The following BRWD3 variants were observed in gnomAD, a reference collection of about 807,000 sequenced individuals.
BRWD3 encodes the protein bromodomain and WD repeat-containing protein 3.
In BRWD3, 10 loss-of-function variants were observed where a neutral mutation model predicts 149.7. That is an observed-to-expected ratio of 0.07 (90% CI 0.04 to 0.11). The LOEUF is 0.11. BRWD3 is among the 10% of genes least tolerant of loss of function. The pLI is 1.00. For synonymous variants in BRWD3, 504 were observed against 456.7 expected (o/e 1.10, Z -1.32); for missense variants, 940 against 1,373.2 (o/e 0.68, Z 4.99).
chrX:80,724,818 A>T, intron 15 of BRWD3, 115 bp downstream of exon 15: 3 of 863,384 alleles, frequency 3.5e-6, no homozygotes, highest in Non-Finnish European at 5.0e-6. Context: ...TATTTAACCA[A>T]TTTAAACACA....
chrX:80,793,591 A>G (rs770466015), intron 5 of BRWD3, 31 bp downstream of exon 5: 2 of 1,196,480 alleles, frequency 1.7e-6, no homozygotes. Context: ...CCTTCCTCTG[A>G]TATCACAGTC....
In BRWD3 at chrX:80,777,152, C is replaced by A. The variant is rs768749515; in HGVS notation, c.430+14702G>T. Reference sequence around the variant, plus strand: ...GAAAAGCACTCTTAAGACCCCCCCCCACGAAAAACCTCCTGAGCCTAAACC... The same window carrying A: ...GAAAAGCACTCTTAAGACCCCCCCCAACGAAAAACCTCCTGAGCCTAAACC... On this transcript the variant is annotated intron_variant, in intron 6 of 40. Coordinates refer to ENST00000373275, the MANE Select transcript of BRWD3 (RefSeq NM_153252.5). Among the ~76,000 whole-genome samples the A allele has an allele frequency of 2.8e-4, 31 of 109,448 alleles. 1 individual carries two copies. Among genetic ancestry groups the A allele is most frequent in the Middle Eastern group, 4.8e-3 (1 of 210 alleles).
intron 17 of BRWD3, among the ~76,000 whole-genome samples, chrX:80,720,458 C>T (rs367544498): frequency 1.3e-4 from 15 of 111,163 alleles, no homozygotes; most frequent in African/African-American, 4.9e-4. Flanking sequence ...AATAGAAAAA[C>T]CTTATAGCAT....
At chrX:80,757,786 A>C in intron 6 of BRWD3, among the ~76,000 whole-genome samples, 3 of 112,669 alleles carry the variant, frequency 2.7e-5, no homozygotes, top group South Asian at 3.6e-4. Flanking sequence ...CAAATTTATA[A>C]AGTCATAAGA....
intron 6 of BRWD3, among the ~76,000 whole-genome samples, chrX:80,783,966 T>TA (rs2074083385): frequency 9.0e-6 from 1 of 111,074 alleles, no homozygotes; most frequent in Non-Finnish European, 1.9e-5. Context: ...GGTTAATGCG[T>TA]AAAAAAATAT....
Position 80,707,437 on chromosome X carries a change from T to C in BRWD3, c.2542A>G (p.Ser848Gly), listed in dbSNP as rs149688283. The stretch of plus-strand genomic sequence containing the variant: ...AACCATTAAAACTACCTGGAAGAAC[T>C]TTCACTTTGCCATTCAACAACAGGA... The part of the protein sequence containing the change: ...EDPVVEWQSE[S>G]SSSDSSSEYS... Residue 848 changes from serine to glycine, a missense_variant, in exon 22 of 41, where the codon AGT becomes GGT. Around this residue, in one of 6 missense-constraint regions of BRWD3, gnomAD observed 158 missense variants for 284.0 expected, o/e 0.56. Coordinates refer to ENST00000373275, the MANE Select transcript of BRWD3 (RefSeq NM_153252.5). The C allele has an allele frequency of 2.2e-4, 265 of 1,208,906 alleles. No homozygotes were observed. Among genetic ancestry groups the C allele is most frequent in the Non-Finnish European group, 2.9e-4 (256 of 893,703 alleles).
intron 20 of BRWD3, among the ~76,000 whole-genome samples, chrX:80,714,389 A>G (rs1488318314): frequency 9.2e-6 from 1 of 108,303 alleles, no homozygotes; most frequent in Non-Finnish European, 1.9e-5. Flanking sequence ...GCACCACCAC[A>G]CCTGGCTACC....
chrX:80,692,178 A>G (rs369807002), intron 28 of BRWD3, 28 bp from the exon 29 acceptor site: 3 of 1,151,395 alleles, frequency 2.6e-6, no homozygotes, highest in Non-Finnish European at 3.6e-6. Flanking sequence ...GATGCAAATC[A>G]AATTAATCAT....
At chrX:80,761,300 T>A (rs1198165484) in intron 6 of BRWD3, among the ~76,000 whole-genome samples, 2 of 111,924 alleles carry the variant, frequency 1.8e-5, no homozygotes, top group Non-Finnish European at 3.8e-5. Context: ...AATAAAAGGA[T>A]CACTGCAAAT....
intron 11 of BRWD3, 149 bp downstream of exon 11, chrX:80,733,969 T>C: frequency 2.2e-6 from 1 of 456,661 alleles, no homozygotes; most frequent in Non-Finnish European, 3.9e-6. Flanking sequence ...CTTTTACAAG[T>C]ATAGTATGTA....
chrX:80,729,468 G>A (rs1164342505), intron 13 of BRWD3, among the ~76,000 whole-genome samples: 2 of 111,514 alleles, frequency 1.8e-5, no homozygotes, highest in African/African-American at 6.5e-5. Context: ...AATCAACAGT[G>A]AAGATGACAA....
intron 4 of BRWD3, among the ~76,000 whole-genome samples, chrX:80,795,380 C>T (rs1331372452): frequency 9.2e-6 from 1 of 108,972 alleles, no homozygotes; most frequent in African/African-American, 3.4e-5. Flanking sequence ...TGTATATATA[C>T]ACACATATAT....
At chrX:80,772,730 C>T (rs759733268) in intron 6 of BRWD3, among the ~76,000 whole-genome samples, 1 of 111,672 alleles carries the variant, frequency 9.0e-6, no homozygotes, top group Non-Finnish European at 1.9e-5. Context: ...TCCCCAATTA[C>T]AAACTTGGGC....
At chrX:80,734,270 C>T (rs1211389476) in intron 10 of BRWD3, 52 bp from the exon 11 acceptor site, 33 of 798,094 alleles carry the variant, frequency 4.1e-5, no homozygotes, top group Non-Finnish European at 6.3e-5. Context: ...CCTTAAAAAC[C>T]CTCTCATTAC....
At chrX:80,791,261 G>A (rs762653125) in intron 6 of BRWD3, among the ~76,000 whole-genome samples, 4 of 111,543 alleles carry the variant, frequency 3.6e-5, no homozygotes, top group Non-Finnish European at 7.5e-5. Flanking sequence ...TGGAGCAGAG[G>A]AGCAATTACT....
chrX:80,801,893 A>G (rs2074301610), intron 4 of BRWD3, among the ~76,000 whole-genome samples: 1 of 110,943 alleles, frequency 9.0e-6, no homozygotes, highest in Non-Finnish European at 1.9e-5. Flanking sequence ...TACAATCAGA[A>G]GGGTTGAGAA....
chrX:80,758,569 G>A (rs541060809), intron 6 of BRWD3, among the ~76,000 whole-genome samples: 6 of 111,131 alleles, frequency 5.4e-5, no homozygotes, highest in African/African-American at 2.0e-4. Context: ...GCTCTAATTA[G>A]GGGAGACTCT....
At chrX:80,772,336 G>C (rs2073953517) in intron 6 of BRWD3, among the ~76,000 whole-genome samples, 1 of 111,294 alleles carries the variant, frequency 9.0e-6, no homozygotes, top group African/African-American at 3.3e-5. Flanking sequence ...GATACAGTTG[G>C]AAACCATCAT....
chrX:80,709,711 C>A, intron 20 of BRWD3, 134 bp from the exon 21 acceptor site: 1 of 530,548 alleles, frequency 1.9e-6, no homozygotes, highest in Non-Finnish European at 3.0e-6. Flanking sequence ...ATAAAGTCAA[C>A]ATAGAACTAT....
Sources: gnomAD v4.1 joint callset for allele counts (sites outside exome capture counted in the v4.1 genomes callset) on GRCh38, gnomAD v4.1.1 for gene constraint, gnomAD v4.1.1 regional missense constraint, MANE v1.5 for transcripts, NCBI Gene and HGNC (gene_info 2026-07-23, HGNC 2026-07-21) for gene names.